Variants in PLAT observed in about 807,000 individuals in gnomAD.
PLAT encodes tissue-type plasminogen activator.
PLAT carries 48 observed loss-of-function variants against 74.9 expected under a neutral mutation model. The ratio of observed to expected loss-of-function variants is 0.64; its 90% confidence interval spans 0.51 to 0.82. The LOEUF is 0.82. Among genes scored for constraint, PLAT ranks in the 40% least tolerant of loss-of-function variants. The probability of loss-of-function intolerance (pLI) is 0.00; values close to 1 mark genes in which losing one functional copy is unlikely to be tolerated. For missense variants in PLAT, 673 were observed against 736.2 expected, an observed-to-expected ratio of 0.91 and a Z score of 0.99; for synonymous variants, 307 against 294.4, an observed-to-expected ratio of 1.04 and a Z score of -0.44.
rs1415546300 is a variant in PLAT, at chr8:42,182,088, G to C, written c.804-66C>G. ...TATTTTTTAATTTTTGTAGAGATGG[G>C]GTCTTGCCATGTTGCCCAGGCTGGT... On this transcript the variant is annotated intron_variant, in intron 8 of 13. Coordinates refer to ENST00000220809, the MANE Select transcript of PLAT (RefSeq NM_000930.5). 3.9e-6 allele frequency: 4 copies of C among 1,024,620 alleles called. No homozygotes were observed. The East Asian group carries it at 1.0e-4, about 27-fold the overall frequency. The allele number at this position is 1,024,620 out of a possible 1,614,324, so 63.5% of individuals were successfully genotyped here.
intron 1 of PLAT, among the ~76,000 whole-genome samples, chr8:42,205,206 C>T (rs1806284947): frequency 6.6e-6 from 1 of 152,214 alleles, no homozygotes; most frequent in African/African-American, 2.4e-5. Flanking sequence ...TATCTGATTG[C>T]TTCCTCTGCC....
At position 42,188,496 on chromosome 8, in the gene PLAT, C is replaced by T. The variant is rs140194198; in HGVS notation, c.253+438G>A. 470 of 171,568 alleles carry T rather than the reference C, an allele frequency of 2.7e-3. 7 individuals are homozygous for T. Among genetic ancestry groups the T allele is most frequent in the East Asian group, 0.027 (168 of 6,142 alleles). The allele number at this position is 171,568 out of a possible 1,614,324, so 10.6% of individuals were successfully genotyped here. The stretch of plus-strand genomic sequence containing the variant: ...TCACCTCCGCCTAAGGCCGAACAGG[C>T]CTGGAGGCTCCTTTTGAAGATTTGA... On this transcript the variant is annotated intron_variant, in intron 4 of 13. Coordinates refer to ENST00000220809, the MANE Select transcript of PLAT (RefSeq NM_000930.5).
At chr8:42,192,270 C>T (rs1472208299) in intron 2 of PLAT, among the ~76,000 whole-genome samples, 1 of 152,146 alleles carries the variant, frequency 6.6e-6, no homozygotes, top group African/African-American at 2.4e-5. Flanking sequence ...TCCCAAAGTG[C>T]TGAGATTACA....
intron 1 of PLAT, among the ~76,000 whole-genome samples, chr8:42,194,541 TTGGCAGCCCAGAGACCACAGCGCTC>T (rs1348437592): frequency 6.6e-6 from 1 of 152,222 alleles, no homozygotes; most frequent in African/African-American, 2.4e-5. Context: ...CTGAGACATC[TTGGCAGCCCAGAGACCACAGCGCTC>T]TGGCTTGGTT....
At chr8:42,191,215 C>T (rs11994600) in intron 3 of PLAT, among the ~76,000 whole-genome samples, 157 bp downstream of exon 3, 77 of 152,294 alleles carry the variant, frequency 5.1e-4, no homozygotes, top group African/African-American at 1.6e-3. Context: ...AGAATGGTGC[C>T]GACACAGGCA....
chr8:42,197,355 G>A (rs1454691071), intron 1 of PLAT, among the ~76,000 whole-genome samples: 1 of 152,196 alleles, frequency 6.6e-6, no homozygotes, highest in African/African-American at 2.4e-5. Context: ...AGCAACCAGA[G>A]TGACTCTGTT....
chr8:42,178,824 G>T, intron 13 of PLAT, 73 bp downstream of exon 13: 2 of 1,414,304 alleles, frequency 1.4e-6, no homozygotes, highest in Non-Finnish European at 1.9e-6. Context: ...TTTTTTCTTT[G>T]GTGAAGAACC....
rs370610524 is a variant in PLAT at position 42,188,919 on chromosome 8, A to G, written c.253+15T>C. On this transcript the variant is annotated intron_variant, in intron 4 of 13. Coordinates refer to ENST00000220809, the MANE Select transcript of PLAT (RefSeq NM_000930.5). ...GGATCACAGGCATGCACCACCTCCC[A>G]GCCTCAGTACATACTTTTGACAGGC... 6.2e-7 allele frequency: 1 copy of G among 1,605,188 alleles called. No individual in the cohort carries two copies. Among genetic ancestry groups the G allele is most frequent in the Non-Finnish European group, 8.5e-7 (1 of 1,173,266 alleles).
chr8:42,193,041 G>A, intron 2 of PLAT, 73 bp downstream of exon 2: 1 of 1,051,020 alleles, frequency 9.5e-7, no homozygotes, highest in Non-Finnish European at 1.5e-6. Flanking sequence ...TGGCCCAGAT[G>A]GACACAGACC....
At chr8:42,192,545 A>G (rs1213134622) in intron 2 of PLAT, among the ~76,000 whole-genome samples, 3 of 152,160 alleles carry the variant, frequency 2.0e-5, no homozygotes, top group Admixed American at 6.5e-5. Context: ...CAAAAAATAT[A>G]TAAATAAATA....
chr8:42,188,602 G>A (rs569207681), intron 4 of PLAT: 1 of 253,032 alleles, frequency 4.0e-6, no homozygotes, highest in East Asian at 7.8e-5. Context: ...ATTTGTACTG[G>A]GCTTTTCTGT....
At chr8:42,180,810 A>C in intron 9 of PLAT, 125 bp from the exon 10 acceptor site, 2 of 667,624 alleles carry the variant, frequency 3.0e-6, no homozygotes. Flanking sequence ...CAGCATGCCG[A>C]ATGTTGTCCA....
intron 1 of PLAT, among the ~76,000 whole-genome samples, chr8:42,193,936 G>C (rs1258457301): frequency 6.6e-6 from 1 of 151,512 alleles, no homozygotes; most frequent in African/African-American, 2.4e-5. Flanking sequence ...GGATGGTCTC[G>C]ATCTCCTGAC....
At chr8:42,206,721 A>T (rs1181498957) in intron 1 of PLAT, 1 of 152,196 alleles carries the variant, frequency 6.6e-6, no homozygotes, top group Non-Finnish European at 1.5e-5. Flanking sequence ...GAAAATAAAG[A>T]TAATAACAGT....
chr8:42,191,383 C>G lies in PLAT; in HGVS notation c.104G>C (p.Arg35Thr). The G allele has an allele frequency of 6.2e-7, 1 of 1,614,136 alleles. No individual in the cohort carries two copies. The highest frequency in any genetic ancestry group is 1.1e-5 in the South Asian group (1 of 91,076). Reference protein sequence around the residue: ...EIHARFRRGARSYQVICRDEK... With the variant: ...EIHARFRRGATSYQVICRDEK... ...CAGCTTCACCCGACCTTGGTAAGAT[C>G]TGGCTCCTCTTCTGAATCGGGCATG... Residue 35 changes from arginine (R) to threonine (T), a missense_variant, in exon 3 of 14, where the codon AGA becomes ACA. By Grantham distance (71) the Arg-to-Thr change is moderately conservative. Transcript: ENST00000220809.
Position 42,175,898 on chromosome 8 carries a change from G to A in PLAT, c.*95C>T. On this transcript the variant is annotated 3_prime_UTR_variant, in exon 14 of 14. Coordinates refer to ENST00000220809, the MANE Select transcript of PLAT (RefSeq NM_000930.5). Reference sequence around the variant, plus strand: ...CCCGCTTCTGCGGTGTGGTGGGTCTGGAGAAGTCTGTAGAGAAGCACTGCG... The same window carrying A: ...CCCGCTTCTGCGGTGTGGTGGGTCTAGAGAAGTCTGTAGAGAAGCACTGCG... The A allele has an allele frequency of 8.0e-7, 1 of 1,255,190 alleles. No individual in the cohort carries two copies. The highest frequency in any genetic ancestry group is 1.1e-6 in the Non-Finnish European group (1 of 874,814). The allele number at this position is 1,255,190 out of a possible 1,614,324, so 77.8% of individuals were successfully genotyped here.
chr8:42,204,877 G>C (rs1286936187), intron 1 of PLAT, among the ~76,000 whole-genome samples: 1 of 151,956 alleles, frequency 6.6e-6, no homozygotes, highest in African/African-American at 2.4e-5. Context: ...AATTAGCCGG[G>C]CGTGGTGGCT....
At chr8:42,184,151 G>A (rs1035315269) in intron 7 of PLAT, among the ~76,000 whole-genome samples, 6 of 151,712 alleles carry the variant, frequency 4.0e-5, no homozygotes, top group African/African-American at 7.3e-5. Context: ...TTGTTGCCCA[G>A]GCTGGTCTCA....
chr8:42,184,180 G>A (rs541471187), intron 7 of PLAT, among the ~76,000 whole-genome samples: 8 of 151,494 alleles, frequency 5.3e-5, no homozygotes, highest in South Asian at 2.1e-4. Context: ...GGCTCAAGCA[G>A]TTCTCCCGCC....
Sources: gnomAD v4.1 joint callset for allele counts (sites outside exome capture counted in the v4.1 genomes callset) on GRCh38, gnomAD v4.1.1 for gene constraint, MANE v1.5 for transcripts, NCBI Gene and HGNC (gene_info 2026-07-23, HGNC 2026-07-21) for gene names.